TOP1: variants seen among roughly 807,000 people sequenced by gnomAD.
TOP1 encodes DNA topoisomerase I, also known as DNA topoisomerase 1.
TOP1 carries 10 observed loss-of-function variants against 111.1 expected under a neutral mutation model. That is an observed-to-expected ratio of 0.09 (90% confidence interval 0.06 to 0.15). The LOEUF (loss-of-function observed/expected upper bound fraction) is 0.15, where lower values mean the gene tolerates loss of function less well. Among genes scored for constraint, TOP1 ranks in the 10% least tolerant of loss-of-function variants. The probability of loss-of-function intolerance (pLI) is 1.00; values close to 1 mark genes in which losing one functional copy is unlikely to be tolerated. For synonymous variants in TOP1, 271 were observed against 302.9 expected (o/e 0.89, Z 1.10); for missense variants, 474 against 926.7 (o/e 0.51, Z 6.34).
intron 2 of TOP1, among the ~76,000 whole-genome samples, chr20:41,054,403 AG>A (rs1486227235): frequency 4.6e-5 from 7 of 152,062 alleles, no homozygotes; most frequent in African/African-American, 1.4e-4. Context: ...AAGTTTCCTG[AG>A]GCCTTCCCAG....
At chr20:41,050,914 C>A (rs568817825) in intron 2 of TOP1, among the ~76,000 whole-genome samples, 32 of 152,122 alleles carry the variant, frequency 2.1e-4, no homozygotes, top group Middle Eastern at 6.8e-3. Flanking sequence ...TTTAAAACTT[C>A]TGCTTTTGGG....
chr20:41,055,447 G>T (rs1246625911), intron 2 of TOP1, among the ~76,000 whole-genome samples: 1 of 152,252 alleles, frequency 6.6e-6, no homozygotes, highest in Non-Finnish European at 1.5e-5. Flanking sequence ...CACGAGGGAT[G>T]TAGATCTGTG....
At chr20:41,057,953 C>T (rs1298873767) in intron 2 of TOP1, among the ~76,000 whole-genome samples, 3 of 152,178 alleles carry the variant, frequency 2.0e-5, no homozygotes, top group Non-Finnish European at 4.4e-5. Flanking sequence ...GTCAAGTAAA[C>T]TGGGGCCACT....
At chr20:41,053,695 C>T (rs749458424) in intron 2 of TOP1, among the ~76,000 whole-genome samples, 5 of 152,302 alleles carry the variant, frequency 3.3e-5, no homozygotes, top group South Asian at 2.1e-4. Context: ...TGTTAATTGA[C>T]GTTCGAAAAT....
chr20:41,088,438 G>A (rs547472545), intron 8 of TOP1, among the ~76,000 whole-genome samples: 25 of 152,326 alleles, frequency 1.6e-4, no homozygotes, highest in Non-Finnish European at 3.5e-4. Flanking sequence ...TGGAGGTGGA[G>A]CTTGCAGTGA....
intron 2 of TOP1, among the ~76,000 whole-genome samples, chr20:41,038,420 A>C (rs757277957): frequency 1.3e-5 from 2 of 152,232 alleles, no homozygotes; most frequent in East Asian, 3.9e-4. Flanking sequence ...AACAACAACA[A>C]CACCTTTTTC....
chr20:41,037,091 A>G (rs1167032065), intron 2 of TOP1, among the ~76,000 whole-genome samples: 2 of 151,992 alleles, frequency 1.3e-5, no homozygotes, highest in African/African-American at 4.8e-5. Flanking sequence ...CGGCCTCCCA[A>G]AGTGCTGGGA....
At position 41,079,339 on chromosome 20, in the gene TOP1, A is replaced by T. The variant is rs527658225; in HGVS notation, c.336-746A>T. On this transcript the variant is annotated intron_variant, in intron 5 of 20. Coordinates refer to ENST00000361337, the MANE Select transcript of TOP1 (RefSeq NM_003286.4). This position sits in a 1 kb window ranked among gnomAD's most constrained non-coding sequence, Gnocchi z 4.0. ...ATGGCTGCAGTGATTGCTGGGCTCTATGGTGTTTTTTACTTGTTCCTTCTC... is the reference window on the plus strand; with the variant it reads ...ATGGCTGCAGTGATTGCTGGGCTCTTTGGTGTTTTTTACTTGTTCCTTCTC... Among the ~76,000 whole-genome samples the T allele has an allele frequency of 6.6e-6, 1 of 152,116 alleles. No individual in the cohort carries two copies. Among genetic ancestry groups the T allele is most frequent in the Non-Finnish European group, 1.5e-5 (1 of 68,008 alleles).
rs990220852 is a variant in TOP1 at position 41,058,553 on chromosome 20, C to T, written c.59-2841C>T. ...AGAGGGCTTCTGAGTGAGTACATGA[C>T]AGTGTGTCACTGGCCTCCCCCAGAG... On this transcript the variant is annotated intron_variant, in intron 2 of 20. Coordinates refer to ENST00000361337, the MANE Select transcript of TOP1 (RefSeq NM_003286.4). This position sits in a 1 kb window ranked among gnomAD's most constrained non-coding sequence, Gnocchi z 4.2. 6.6e-6 allele frequency among the ~76,000 whole-genome samples: 1 copy of T among 152,170 alleles called. No individual in the cohort carries two copies. The highest frequency in any genetic ancestry group is 1.9e-4 in the East Asian group (1 of 5,196).
Position 41,029,257 on chromosome 20 carries a change from C to A in TOP1, c.33+157C>A, listed in dbSNP as rs1023257526. ...CGGAGTAGATCGGCTCGCTAGGCCG[C>A]GAGCGAGGGCCGCGAAGTTACAGTT... On this transcript the variant is annotated intron_variant, in intron 1 of 20. Coordinates refer to ENST00000361337, the MANE Select transcript of TOP1 (RefSeq NM_003286.4). The surrounding 1 kb of genome is among the most constrained non-coding windows in gnomAD (Gnocchi z 6.1). Among the ~76,000 whole-genome samples the A allele has an allele frequency of 1.3e-5, 2 of 152,016 alleles. No homozygotes were observed.
chr20:41,098,494 G>T lies in TOP1; in HGVS notation c.975+157G>T. ...TCTCAAAGTCTAAATTTTCTTAAAG[G>T]TTTTAGTTAGACTGAAAATTGTGAA... On this transcript the variant is annotated intron_variant, in intron 11 of 20. Coordinates refer to ENST00000361337, the MANE Select transcript of TOP1 (RefSeq NM_003286.4). The surrounding 1 kb of genome is among the most constrained non-coding windows in gnomAD (Gnocchi z 5.7). The T allele has an allele frequency of 1.2e-6, 1 of 816,078 alleles. No homozygotes were observed. The allele number at this position is 816,078 out of a possible 1,614,324, so 50.6% of individuals were successfully genotyped here.
chr20:41,123,404 C>A lies in TOP1; in HGVS notation c.*107C>A. 1 of 707,158 alleles carries A rather than the reference C, an allele frequency of 1.4e-6. No homozygotes were observed. The highest frequency in any genetic ancestry group is 2.4e-6 in the Non-Finnish European group (1 of 417,510). 43.8% of individuals were successfully genotyped at this position (707,158 alleles called of 1,614,324 possible). A position where few individuals can be genotyped will look rare whatever the true frequency, so the allele number is the denominator to read the frequency against. ...TGCCTGGGGGAGAGAGGCAGCAAGT[C>A]TTAACAAACCAACATCTTTGCGAAA... On this transcript the variant is annotated 3_prime_UTR_variant, in exon 21 of 21. Transcript: ENST00000361337. The surrounding 1 kb of genome is among the most constrained non-coding windows in gnomAD (Gnocchi z 5.8).
At chr20:41,075,727 G>A (rs1304472457) in intron 3 of TOP1, among the ~76,000 whole-genome samples, 1 of 152,236 alleles carries the variant, frequency 6.6e-6, no homozygotes, top group Non-Finnish European at 1.5e-5. Context: ...AATATCCACT[G>A]TATTGGGCTG....
chr20:41,056,759 A>C lies in TOP1; in HGVS notation c.59-4635A>C, dbSNP rs73121286. On this transcript the variant is annotated intron_variant, in intron 2 of 20. Transcript: ENST00000361337. ...GGCCTCCCAAAGTGTTGGGATTGTA[A>C]ACATGAGCCACCGTGCTCAGCCATT... Among the ~76,000 whole-genome samples, 686 of 152,260 alleles carry C rather than the reference A, an allele frequency of 4.5e-3. 4 individuals carry two copies. The highest frequency in any genetic ancestry group is 8.7e-3 in the Non-Finnish European group (593 of 68,010).
At chr20:41,057,830 A>G (rs970989227) in intron 2 of TOP1, among the ~76,000 whole-genome samples, 1 of 152,188 alleles carries the variant, frequency 6.6e-6, no homozygotes, top group East Asian at 1.9e-4. Flanking sequence ...CTGCAAACAA[A>G]ATTAATTGAC....
At chr20:41,091,520 G>A (rs912899321) in intron 8 of TOP1, among the ~76,000 whole-genome samples, 3 of 151,082 alleles carry the variant, frequency 2.0e-5, no homozygotes, top group Admixed American at 6.6e-5. Context: ...AAAATGGTTC[G>A]GCCAAAATAG....
intron 8 of TOP1, among the ~76,000 whole-genome samples, chr20:41,089,020 C>CTTTTTTGTTTTTTTT (rs2033883625): frequency 1.3e-5 from 1 of 77,926 alleles, no homozygotes; most frequent in Non-Finnish European, 2.2e-5. Flanking sequence ...TGCCCCAGTT[C>CTTTTTTGTTTTTTTT]TTTTTTTTTT....
At position 41,034,311 on chromosome 20, in the gene TOP1, T is replaced by G. The variant is rs952243503; in HGVS notation, c.58+4856T>G. On this transcript the variant is annotated intron_variant, in intron 2 of 20. Coordinates refer to ENST00000361337, the MANE Select transcript of TOP1 (RefSeq NM_003286.4). This position sits in a 1 kb window ranked among gnomAD's most constrained non-coding sequence, Gnocchi z 4.0. ...ATTTCCATGCCTCATACATCTCAAGTTTGAGCAGCAGCTTTCCATCCCCAT... is the reference window on the plus strand; with the variant it reads ...ATTTCCATGCCTCATACATCTCAAGGTTGAGCAGCAGCTTTCCATCCCCAT... Among the ~76,000 whole-genome samples the G allele has an allele frequency of 2.6e-5, 4 of 152,226 alleles. No homozygotes were observed. The highest frequency in any genetic ancestry group is 9.7e-5 in the African/African-American group (4 of 41,446).
rs536860784 is a variant in TOP1 at position 41,055,618 on chromosome 20, G to T, written c.59-5776G>T. ...TATTCTGTACAAGTTTCTTGTTTTTGCCAAGGCCCCTTGTTCCCCCAGTCA... is the reference window on the plus strand; with the variant it reads ...TATTCTGTACAAGTTTCTTGTTTTTTCCAAGGCCCCTTGTTCCCCCAGTCA... On this transcript the variant is annotated intron_variant, in intron 2 of 20. Transcript: ENST00000361337. Among the ~76,000 whole-genome samples, 5 of 152,134 alleles carry T rather than the reference G, an allele frequency of 3.3e-5. No homozygotes were observed. In the South Asian group the frequency reaches 1.0e-3, roughly 32 times the overall value.
Sources: allele counts gnomAD v4.1 joint callset (sites outside exome capture counted in the v4.1 genomes callset), GRCh38; gene constraint gnomAD v4.1.1; non-coding constraint Gnocchi (gnomAD v3.1); transcripts MANE v1.5; gene names NCBI Gene and HGNC (gene_info 2026-07-23, HGNC 2026-07-21).